Variants in UNKL observed in about 807,000 individuals in gnomAD.
UNKL encodes unk like zinc finger.
Under a neutral mutation model 78.0 loss-of-function variants are expected in UNKL, and 60 were observed. The observed-to-expected ratio is 0.77, with a 90% confidence interval of 0.63 to 0.95. The LOEUF is 0.95. Ranked by LOEUF, UNKL falls within the 40% of genes least tolerant of loss-of-function variation. The probability of loss-of-function intolerance (pLI) is 0.00; values close to 1 mark genes in which losing one functional copy is unlikely to be tolerated. For synonymous variants in UNKL, 608 were observed against 474.8 expected (o/e 1.28, Z -3.65); for missense variants, 1,159 against 1,045.7 (o/e 1.11, Z -1.49).
chr16:1,368,853 AT>A (rs1205640785), intron 12 of UNKL, among the ~76,000 whole-genome samples: 3 of 152,068 alleles, frequency 2.0e-5, no homozygotes, highest in African/African-American at 7.2e-5. Flanking sequence ...GTGAGCCAAG[AT>A]TGCTGGAGCC....
chr16:1,401,846 G>T, intron 3 of UNKL, 145 bp from the exon 4 acceptor site: 2 of 1,150,890 alleles, frequency 1.7e-6, no homozygotes, highest in East Asian at 2.7e-5. Context: ...AGTGTGTGGC[G>T]CTCCGCTGTC....
intron 10 of UNKL, among the ~76,000 whole-genome samples, chr16:1,372,934 G>C (rs55975689): frequency 0.029 from 963 of 33,012 alleles, 265 homozygotes; most frequent in Admixed American, 0.041. Context: ...CAGCAGCGTG[G>C]GGCACACCAC....
At chr16:1,385,593 G>A (rs942535306) in intron 9 of UNKL, among the ~76,000 whole-genome samples, 1 of 152,236 alleles carries the variant, frequency 6.6e-6, no homozygotes, top group Admixed American at 6.5e-5. Context: ...GTGCACTTGG[G>A]ACAGGCACAG....
intron 6 of UNKL, among the ~76,000 whole-genome samples, chr16:1,396,339 C>T (rs1475850136): frequency 6.6e-6 from 1 of 151,538 alleles, no homozygotes; most frequent in East Asian, 1.9e-4. Flanking sequence ...ACTCTAAGCT[C>T]TGCCTCCCGG....
Position 1,385,328 on chromosome 16 carries a change from C to T in UNKL, c.1144G>A (p.Val382Met), listed in dbSNP as rs896966209. The change falls in exon 10 of 15, where the codon GTG (valine) becomes ATG (methionine). Residue 382 changes from valine to methionine, a missense_variant. Coordinates refer to ENST00000389221, the MANE Select transcript of UNKL (RefSeq NM_001372107.1). ...HPPAPSVSSS[V>M]ASSLASSAGS... ...GCGCTGGACGCCAGGCTGGACGCCA[C>T]GCTGGAGCTCACGCTGGGGGCCGGC... 2.7e-5 allele frequency: 39 copies of T among 1,426,852 alleles called. No homozygotes were observed. The East Asian group carries it at 8.9e-4, about 33-fold the overall frequency. The allele number at this position is 1,426,852 out of a possible 1,614,324, so 88.4% of individuals were successfully genotyped here. A position where few individuals can be genotyped will look rare whatever the true frequency, so the allele number is the denominator to read the frequency against.
chr16:1,394,902 G>C (rs1327676670), intron 6 of UNKL, among the ~76,000 whole-genome samples: 1 of 152,198 alleles, frequency 6.6e-6, no homozygotes, highest in African/African-American at 2.4e-5. Flanking sequence ...TTTTGAGAGA[G>C]AGTCTCGCTC....
intron 11 of UNKL, 83 bp downstream of exon 11, chr16:1,371,436 C>T (rs2035829695): frequency 5.0e-6 from 7 of 1,398,524 alleles, no homozygotes; most frequent in Non-Finnish European, 6.8e-6. Context: ...CTTGACCTCC[C>T]CGGGCTCAAG....
At position 1,413,870 on chromosome 16, in the gene UNKL, G is replaced by A; in HGVS notation, c.263C>T (p.Thr88Ile). The change falls in exon 2 of 15, where the codon ACC (threonine) becomes ATC (isoleucine). Residue 88 changes from threonine to isoleucine, a missense_variant. Transcript: ENST00000389221. ...CTCGTCGCCGTCGGGGCACACGCCG[G>A]TGGCTTCGTTGTACTTGGAGCAGTA... ...DVYCSKYNEA[T>I]GVCPDGDECP... The A allele has an allele frequency of 6.5e-7, 1 of 1,532,228 alleles. No homozygotes were observed. The highest frequency in any genetic ancestry group is 8.8e-7 in the Non-Finnish European group (1 of 1,131,444). The allele number at this position is 1,532,228 out of a possible 1,614,324, so 94.9% of individuals were successfully genotyped here. A position where few individuals can be genotyped will look rare whatever the true frequency, so the allele number is the denominator to read the frequency against.
intron 10 of UNKL, among the ~76,000 whole-genome samples, chr16:1,376,949 G>A (rs2036276697): frequency 6.6e-6 from 1 of 152,098 alleles, no homozygotes; most frequent in Admixed American, 6.5e-5. Context: ...GGGATAAGAG[G>A]ACCTGCTGTG....
intron 10 of UNKL, among the ~76,000 whole-genome samples, chr16:1,381,261 T>TA (rs1456601337): frequency 6.6e-6 from 1 of 152,230 alleles, no homozygotes; most frequent in Admixed American, 6.5e-5. Flanking sequence ...ATTCTAGCAT[T>TA]ACTACTTTTA....
At chr16:1,398,277 A>G in intron 5 of UNKL, 1 of 995,712 alleles carries the variant, frequency 1.0e-6, no homozygotes, top group Non-Finnish European at 1.2e-6. Flanking sequence ...ACTCTGTCTC[A>G]TAAAAAAACA....
At chr16:1,404,846 T>G (rs971494811) in intron 2 of UNKL, among the ~76,000 whole-genome samples, 4 of 152,142 alleles carry the variant, frequency 2.6e-5, no homozygotes, top group African/African-American at 9.7e-5. Flanking sequence ...TGGGCTTCTA[T>G]CCACACAATG....
chr16:1,394,738 G>A (rs947755178), intron 6 of UNKL, among the ~76,000 whole-genome samples: 13 of 152,236 alleles, frequency 8.5e-5, no homozygotes, highest in Middle Eastern at 3.4e-3. Context: ...TAAAGGACAC[G>A]GCACCTGGCA....
intron 9 of UNKL, among the ~76,000 whole-genome samples, chr16:1,386,479 G>A (rs532984109): frequency 6.6e-6 from 1 of 152,124 alleles, no homozygotes; most frequent in African/African-American, 2.4e-5. Flanking sequence ...GCTTGAATCC[G>A]GGAGGCAGTG....
intron 9 of UNKL, among the ~76,000 whole-genome samples, chr16:1,389,615 A>G (rs2036960032): frequency 6.6e-6 from 1 of 152,090 alleles, no homozygotes; most frequent in Admixed American, 6.5e-5. Flanking sequence ...AGCAACAATG[A>G]AATGAGGTGT....
intron 5 of UNKL, chr16:1,398,852 G>T: frequency 6.4e-7 from 1 of 1,572,062 alleles, no homozygotes. Flanking sequence ...TCAGGCGGTG[G>T]AGGAAGGTCC....
rs535427338 is a variant in UNKL at position 1,403,842 on chromosome 16, C to T, written c.288-498G>A. Among the ~76,000 whole-genome samples the T allele has an allele frequency of 2.3e-4, 35 of 152,146 alleles. No homozygotes were observed. In the East Asian group the frequency reaches 6.4e-3, roughly 28 times the overall value. ...GAGGGAACAAGCACAGGGCCCTGGA[C>T]GCGGCTTGGGGGACACGAGGGGGAT... On this transcript the variant is annotated intron_variant, in intron 2 of 14. Coordinates refer to ENST00000389221, the MANE Select transcript of UNKL (RefSeq NM_001372107.1). This position sits in a 1 kb window ranked among gnomAD's most constrained non-coding sequence, Gnocchi z 4.8.
intron 2 of UNKL, among the ~76,000 whole-genome samples, chr16:1,406,492 C>T (rs2037770211): frequency 6.6e-6 from 1 of 152,128 alleles, no homozygotes; most frequent in African/African-American, 2.4e-5. Context: ...GGATTACAGG[C>T]GTGAGCCACC....
At chr16:1,406,635 C>T (rs987673759) in intron 2 of UNKL, among the ~76,000 whole-genome samples, 3 of 152,106 alleles carry the variant, frequency 2.0e-5, no homozygotes, top group African/African-American at 4.8e-5. Flanking sequence ...CCACTGCACC[C>T]GGATGCCTCT....
Sources: allele counts gnomAD v4.1 joint callset (sites outside exome capture counted in the v4.1 genomes callset), GRCh38; gene constraint gnomAD v4.1.1; non-coding constraint Gnocchi (gnomAD v3.1); transcripts MANE v1.5; gene names NCBI Gene and HGNC (gene_info 2026-07-23, HGNC 2026-07-21).